The following TENM1 variants were observed in gnomAD, a reference collection of about 807,000 sequenced individuals.
The protein encoded by TENM1 is teneurin transmembrane protein 1.
A neutral mutation model predicts 174.8 loss-of-function variants in TENM1; 35 were observed. That is an observed-to-expected ratio of 0.20 (90% confidence interval 0.15 to 0.27). The LOEUF (loss-of-function observed/expected upper bound fraction) is 0.27, where lower values mean the gene tolerates loss of function less well. Ranked by LOEUF, TENM1 falls within the 10% of genes least tolerant of loss-of-function variation. The pLI is 1.00. For synonymous variants in TENM1, 781 were observed against 798.7 expected (o/e 0.98, Z 0.37); for missense variants, 1,633 against 2,130.1 (o/e 0.77, Z 4.59).
the TENM1 span, among the ~76,000 whole-genome samples, chrX:125,046,461 G>A: frequency 8.9e-6 from 1 of 112,014 alleles, no homozygotes; most frequent in African/African-American, 3.2e-5. Flanking sequence ...GTCTTTTGCT[G>A]CTTACCGTCT....
At chrX:124,921,373 C>T (rs1046421335) in intron 1 of TENM1, among the ~76,000 whole-genome samples, 1 of 110,748 alleles carries the variant, frequency 9.0e-6, no homozygotes, top group Admixed American at 9.6e-5. Context: ...CAAACAGACA[C>T]ATTAAAAAAC....
Position 124,646,827 on chromosome X carries a change from A to C in TENM1, c.1580-17T>G. 1 of 1,094,623 alleles carries C rather than the reference A, an allele frequency of 9.1e-7. No homozygotes were observed. The highest frequency in any genetic ancestry group is 1.3e-6 in the Non-Finnish European group (1 of 795,040). The allele number at this position is 1,094,623 out of a possible 1,213,427, so 90.2% of individuals were successfully genotyped here. A position where few individuals can be genotyped will look rare whatever the true frequency, so the allele number is the denominator to read the frequency against. On this transcript the variant is annotated splice_polypyrimidine_tract_variant and intron_variant, in intron 8 of 31. Coordinates refer to ENST00000422452, the Ensembl canonical transcript of TENM1. ...CCATTATTTCTAGTAATACAGAGAA[A>C]AAGATAAAAAAAATGAACGCATCTC... is the stretch of plus-strand genomic sequence containing the variant.
intron 3 of TENM1, among the ~76,000 whole-genome samples, chrX:124,800,670 T>C (rs1374827260): frequency 1.8e-5 from 2 of 111,871 alleles, no homozygotes; most frequent in Non-Finnish European, 3.8e-5. Context: ...CTTGCTTCTG[T>C]GGCTCTTTTA....
the TENM1 span, among the ~76,000 whole-genome samples, chrX:125,014,942 T>C: frequency 1.8e-5 from 2 of 111,356 alleles, no homozygotes; most frequent in Non-Finnish European, 3.8e-5. Flanking sequence ...ACAAATAAGG[T>C]GGAAGGCTTG....
intron 22 of TENM1, among the ~76,000 whole-genome samples, chrX:124,466,360 A>G (rs2061241079): frequency 8.9e-6 from 1 of 112,385 alleles, no homozygotes; most frequent in Non-Finnish European, 1.9e-5. Context: ...AACAAAACTG[A>G]GTTGTATGAA....
chrX:125,174,646 C>T, the TENM1 span, among the ~76,000 whole-genome samples: 2 of 111,560 alleles, frequency 1.8e-5, no homozygotes, highest in Non-Finnish European at 3.8e-5. Flanking sequence ...TAAAAACATT[C>T]TTTGAGCAGG....
rs140124474 is a variant in TENM1 at position 124,838,822 on chromosome X, C to T, written c.535+55474G>A. Among the ~76,000 whole-genome samples, 727 of 111,051 alleles carry T rather than the reference C, an allele frequency of 6.5e-3. 4 individuals carry two copies. Among genetic ancestry groups the T allele is most frequent in the Non-Finnish European group, 0.011 (593 of 52,902 alleles). On this transcript the variant is annotated intron_variant, in intron 3 of 31. Transcript: ENST00000422452. ...AAACACACATATATACACACATATA[C>T]ATATATGTATATGCATATATACACA...
At chrX:124,891,001 T>G (rs773128336) in intron 3 of TENM1, among the ~76,000 whole-genome samples, 3 of 111,527 alleles carry the variant, frequency 2.7e-5, no homozygotes, top group Non-Finnish European at 5.6e-5. Context: ...TGCAACAACA[T>G]GAATGGAATT....
chrX:124,447,603 C>CT lies in TENM1; in HGVS notation c.4104+5733dup, dbSNP rs775601566. The stretch of plus-strand genomic sequence containing the variant: ...TTAATGCTGTGAAATCTAATGGCTT[C>CT]TTTAAAAAGCACCTCATTTTTTATG... On this transcript the variant is annotated intron_variant, in intron 23 of 31. Coordinates refer to ENST00000422452, the Ensembl canonical transcript of TENM1. 2.7e-5 allele frequency among the ~76,000 whole-genome samples: 3 copies of CT among 112,044 alleles called. No individual in the cohort carries two copies. The East Asian group carries it at 8.4e-4, about 31-fold the overall frequency.
chrX:124,892,067 G>A (rs1381537932), intron 3 of TENM1, among the ~76,000 whole-genome samples: 1 of 111,403 alleles, frequency 9.0e-6, no homozygotes, highest in Non-Finnish European at 1.9e-5. Context: ...AAGGTGAAAT[G>A]GGAATAAAAA....
chrX:124,481,844 C>G (rs939749692), exon 22 of TENM1: 6 of 1,203,157 alleles, frequency 5.0e-6, no homozygotes, highest in African/African-American at 1.8e-5. Flanking sequence ...AATTCTTGGA[C>G]AGATCTTTCG....
intron 3 of TENM1, among the ~76,000 whole-genome samples, chrX:124,743,906 T>G (rs1345087183): frequency 8.9e-6 from 1 of 112,084 alleles, no homozygotes; most frequent in Non-Finnish European, 1.9e-5. Flanking sequence ...CCAAATTTTC[T>G]ACTTTCTAGT....
intron 4 of TENM1, among the ~76,000 whole-genome samples, chrX:124,726,773 CA>C (rs760214396): frequency 8.9e-6 from 1 of 111,937 alleles, no homozygotes; most frequent in East Asian, 2.8e-4. Context: ...TATATTTTAG[CA>C]GTGCTGTATA....
chrX:124,669,901 G>A (rs1018821559), intron 6 of TENM1, among the ~76,000 whole-genome samples: 1 of 111,775 alleles, frequency 8.9e-6, no homozygotes, highest in Non-Finnish European at 1.9e-5. Context: ...TGTGTAAAAA[G>A]TTTTTTGTGG....
At chrX:124,528,610 T>C (rs2048033209) in intron 16 of TENM1, among the ~76,000 whole-genome samples, 1 of 110,055 alleles carries the variant, frequency 9.1e-6, no homozygotes, top group Non-Finnish European at 1.9e-5. Context: ...AAAGACCCAT[T>C]TGAATTAATA....
At chrX:124,539,447 A>G (rs1293321484) in intron 15 of TENM1, among the ~76,000 whole-genome samples, 1 of 111,366 alleles carries the variant, frequency 9.0e-6, no homozygotes, top group Non-Finnish European at 1.9e-5. Context: ...TGGGGAAGAG[A>G]TTTTGTCCAC....
At chrX:124,572,929 A>G (rs1345838951) in intron 11 of TENM1, among the ~76,000 whole-genome samples, 1 of 111,398 alleles carries the variant, frequency 9.0e-6, no homozygotes, top group Admixed American at 9.6e-5. Flanking sequence ...TAGAATGTCA[A>G]TTTTTCTGTA....
Position 124,496,908 on chromosome X carries a change from AG to A in TENM1, c.3695+107del, listed in dbSNP as rs780980929. 40 of 815,083 alleles carry A rather than the reference AG, an allele frequency of 4.9e-5. No homozygotes were observed. The African/African-American group carries it at 7.5e-4, about 15-fold the overall frequency. The allele number at this position is 815,083 out of a possible 1,213,427, so 67.2% of individuals were successfully genotyped here. ...CTGCATCTTAACTCAGTGCTACAAT[AG>A]GGGCAACTACATTTTCTGCTTCTAC... On this transcript the variant is annotated intron_variant, in intron 20 of 31. Coordinates refer to ENST00000422452, the Ensembl canonical transcript of TENM1.
chrX:124,644,911 A>C (rs1245527762), intron 10 of TENM1, among the ~76,000 whole-genome samples: 3 of 111,222 alleles, frequency 2.7e-5, no homozygotes. Context: ...GTACAATACT[A>C]TTTTTCATTA....
Sources: gnomAD v4.1 joint callset for allele counts (sites outside exome capture counted in the v4.1 genomes callset) on GRCh38, gnomAD v4.1.1 for gene constraint, MANE v1.5 for transcripts, NCBI Gene and HGNC (gene_info 2026-07-23, HGNC 2026-07-21) for gene names.